Variants in TAX1BP1 observed in about 807,000 individuals in gnomAD.
TAX1BP1 encodes the protein Tax1 binding protein 1.
Under a neutral mutation model 97.7 loss-of-function variants are expected in TAX1BP1, and 62 were observed. The ratio of observed to expected loss-of-function variants is 0.63; its 90% confidence interval spans 0.52 to 0.78. TAX1BP1 has a LOEUF of 0.78. Ranked by LOEUF, TAX1BP1 falls within the 30% of genes least tolerant of loss-of-function variation. TAX1BP1 has a pLI of 0.00. For synonymous variants in TAX1BP1, 340 were observed against 304.2 expected, an observed-to-expected ratio of 1.12 and a Z score of -1.23; for missense variants, 867 against 916.1, an observed-to-expected ratio of 0.95 and a Z score of 0.69.
At chr7:27,765,765 T>C (rs1477193946) in intron 3 of TAX1BP1, 69 bp from the exon 4 acceptor site, 1 of 1,346,902 alleles carries the variant, frequency 7.4e-7, no homozygotes, top group East Asian at 2.3e-5. Flanking sequence ...TGGCAAGTAT[T>C]GTTAAATTGA....
Position 27,827,802 on chromosome 7 carries a change from G to A in TAX1BP1, c.2150G>A (p.Gly717Asp). 3 of 1,613,798 alleles carry A rather than the reference G, an allele frequency of 1.9e-6. No homozygotes were observed. The highest frequency in any genetic ancestry group is 1.7e-5 in the Admixed American group (1 of 59,972). Residue 717 changes from glycine (G) to aspartate (D), a missense_variant, in exon 16 of 17, where the codon GGC becomes GAC. Coordinates refer to ENST00000396319, the MANE Select transcript of TAX1BP1 (RefSeq NM_006024.7). ...PSQHLRGHGT[G>D]FCFDSSFDVH... ...CAACATTTACGTGGGCATGGGACAG[G>A]CTTTTGCTTTGATTCCAGGTAGTTT...
Position 27,765,870 on chromosome 7 carries a change from A to T in TAX1BP1, c.302A>T (p.Gln101Leu). ...CCAAATGATGATGGAGAATTTTATC[A>T]GTTCTGTTACGTTACCCATAAGGGT... is the stretch of plus-strand genomic sequence containing the variant. ...YLPNDDGEFY[Q>L]FCYVTHKGEI... The change falls in exon 4 of 17, where the codon CAG (glutamine) becomes CTG (leucine). Residue 101 changes from glutamine (Q) to leucine (L), a missense_variant. By Grantham distance (113) the Gln-to-Leu change is moderately radical. Transcript: ENST00000396319. The T allele has an allele frequency of 6.2e-7, 1 of 1,614,032 alleles. No individual in the cohort carries two copies.
At chr7:27,792,281 A>G in intron 9 of TAX1BP1, 51 bp downstream of exon 9, 1 of 1,472,536 alleles carries the variant, frequency 6.8e-7, no homozygotes, top group East Asian at 2.5e-5. Context: ...AACCACTATA[A>G]TCTCACAAAG....
chr7:27,789,617 C>T (rs1021102149), intron 8 of TAX1BP1, among the ~76,000 whole-genome samples: 1 of 151,732 alleles, frequency 6.6e-6, no homozygotes, highest in East Asian at 1.9e-4. Context: ...TTGCTAGTTA[C>T]TCCATATCAG....
intron 15 of TAX1BP1, among the ~76,000 whole-genome samples, chr7:27,827,382 C>G (rs189665272): frequency 6.6e-6 from 1 of 151,384 alleles, no homozygotes; most frequent in Non-Finnish European, 1.5e-5. Flanking sequence ...AAACTGGTCA[C>G]CCAGTCTGCA....
chr7:27,792,310 T>C (rs1789749613), intron 9 of TAX1BP1, 80 bp downstream of exon 9: 5 of 1,262,624 alleles, frequency 4.0e-6, no homozygotes, highest in South Asian at 1.4e-5. Flanking sequence ...TGTGTTAAGA[T>C]AAGACAGGTC....
intron 2 of TAX1BP1, among the ~76,000 whole-genome samples, chr7:27,750,983 G>A (rs569716408): frequency 8.1e-4 from 124 of 152,180 alleles, no homozygotes; most frequent in African/African-American, 2.8e-3. Flanking sequence ...ATGTCTTTCT[G>A]TTGTTTGAAA....
chr7:27,755,707 G>T (rs1788186845), intron 2 of TAX1BP1, among the ~76,000 whole-genome samples: 1 of 152,094 alleles, frequency 6.6e-6, no homozygotes, highest in African/African-American at 2.4e-5. Flanking sequence ...GCCCACTGCT[G>T]TTGTAATTCT....
chr7:27,797,273 A>C (rs1789971361), intron 12 of TAX1BP1, among the ~76,000 whole-genome samples: 1 of 152,118 alleles, frequency 6.6e-6, no homozygotes, highest in Non-Finnish European at 1.5e-5. Flanking sequence ...CTGGGATTAC[A>C]GGCATGAGCC....
At chr7:27,747,892 G>A (rs1011920653) in intron 1 of TAX1BP1, among the ~76,000 whole-genome samples, 6 of 151,816 alleles carry the variant, frequency 4.0e-5, no homozygotes, top group Non-Finnish European at 8.8e-5. Flanking sequence ...GGCCCCTAAT[G>A]ATTCTAATGT....
At position 27,745,701 on chromosome 7, in the gene TAX1BP1, G is replaced by A. The variant is rs899518722; in HGVS notation, c.-7-2817G>A. ...TACTATATTTTAAAGTGAAATACTAGTGTTTTCTATTAGAAAATGTGAAAT... is the reference window on the plus strand; with the variant it reads ...TACTATATTTTAAAGTGAAATACTAATGTTTTCTATTAGAAAATGTGAAAT... On this transcript the variant is annotated intron_variant, in intron 1 of 16. Transcript: ENST00000396319. Among the ~76,000 whole-genome samples, 33 of 151,700 alleles carry A rather than the reference G, an allele frequency of 2.2e-4. 1 individual carries two copies. Among genetic ancestry groups the A allele is most frequent in the African/African-American group, 7.2e-4 (30 of 41,402 alleles).
chr7:27,764,781 C>T (rs551114935), intron 3 of TAX1BP1, among the ~76,000 whole-genome samples: 13 of 151,778 alleles, frequency 8.6e-5, no homozygotes, highest in African/African-American at 3.1e-4. Flanking sequence ...GAATTTTCTT[C>T]TTCTCCATGG....
intron 1 of TAX1BP1, among the ~76,000 whole-genome samples, chr7:27,741,878 G>A (rs1330399165): frequency 6.6e-6 from 1 of 152,196 alleles, no homozygotes; most frequent in African/African-American, 2.4e-5. Context: ...AGGGTCACAA[G>A]ACAATAGTGG....
At chr7:27,794,649 T>A (rs1789852749) in intron 11 of TAX1BP1, among the ~76,000 whole-genome samples, 1 of 152,182 alleles carries the variant, frequency 6.6e-6, no homozygotes, top group Admixed American at 6.5e-5. Flanking sequence ...ACATATAAAA[T>A]GTGAATGTAA....
chr7:27,752,383 C>T (rs1707895647), intron 2 of TAX1BP1, among the ~76,000 whole-genome samples: 1 of 152,154 alleles, frequency 6.6e-6, no homozygotes, highest in Non-Finnish European at 1.5e-5. Flanking sequence ...GTGGCTTAAC[C>T]AGAAGATTAC....
In TAX1BP1 at chr7:27,799,982, C is replaced by G; in HGVS notation, c.1656C>G (p.Cys552Trp). 1 of 1,594,090 alleles carries G rather than the reference C, an allele frequency of 6.3e-7. No individual in the cohort carries two copies. Among genetic ancestry groups the G allele is most frequent in the South Asian group, 1.2e-5 (1 of 86,440 alleles). ...KQLLQDEKAKCNKYADELAKM... is the reference protein window; with the variant it reads ...KQLLQDEKAKWNKYADELAKM... ...TCATTTAGGATGAGAAAGCAAAATG[C>G]AATAAATATGCTGATGAACTTGCAA... Residue 552 changes from cysteine to tryptophan, a missense_variant, in exon 13 of 17, where the codon TGC (cysteine) becomes TGG (tryptophan). This residue lies in a region of TAX1BP1 where 822 missense variants were observed against 851.4 expected (regional missense o/e 0.97). Transcript: ENST00000396319.
intron 1 of TAX1BP1, among the ~76,000 whole-genome samples, chr7:27,746,423 T>C (rs1188080821): frequency 6.6e-6 from 1 of 151,530 alleles, no homozygotes; most frequent in Non-Finnish European, 1.5e-5. Context: ...GTGTTTTTTT[T>C]TTTTTCCTTT....
At chr7:27,802,037 A>G (rs890886663) in intron 13 of TAX1BP1, among the ~76,000 whole-genome samples, 2 of 152,218 alleles carry the variant, frequency 1.3e-5, no homozygotes, top group African/African-American at 4.8e-5. Context: ...ATGGAAGAGC[A>G]TTAAGACACG....
intron 13 of TAX1BP1, among the ~76,000 whole-genome samples, chr7:27,808,916 A>G (rs1298209652): frequency 6.6e-6 from 1 of 152,218 alleles, no homozygotes; most frequent in African/African-American, 2.4e-5. Flanking sequence ...TCCCCCAGGG[A>G]TTCTTGACCA....
Sources: gnomAD v4.1 joint callset for allele counts (sites outside exome capture counted in the v4.1 genomes callset) on GRCh38, gnomAD v4.1.1 for gene constraint, gnomAD v4.1.1 regional missense constraint, MANE v1.5 for transcripts, NCBI Gene and HGNC (gene_info 2026-07-23, HGNC 2026-07-21) for gene names.